MYOF: variants seen among roughly 807,000 people sequenced by gnomAD.
MYOF encodes the protein myoferlin.
Under a neutral mutation model 284.2 loss-of-function variants are expected in MYOF, and 244 were observed. That is an observed-to-expected ratio of 0.86 (90% confidence interval 0.77 to 0.95). The LOEUF is 0.95. Among genes scored for constraint, MYOF ranks in the 40% least tolerant of loss-of-function variants. The probability of loss-of-function intolerance (pLI) is 0.00; values close to 1 mark genes in which losing one functional copy is unlikely to be tolerated. For synonymous variants in MYOF, 904 were observed against 919.7 expected (o/e 0.98, Z 0.31); for missense variants, 2,496 against 2,560.6 (o/e 0.97, Z 0.54).
Position 93,351,844 on chromosome 10 carries a change from G to T in MYOF, c.3484C>A (p.Pro1162Thr). 6.3e-7 allele frequency: 1 copy of T among 1,580,932 alleles called. No homozygotes were observed. The highest frequency in any genetic ancestry group is 8.5e-7 in the Non-Finnish European group (1 of 1,172,432). Residue 1162 changes from proline to threonine, a missense_variant and splice_region_variant, in exon 33 of 54, where the codon CCA (proline) becomes ACA (threonine). Physicochemically the swap from Pro to Thr is conservative, Grantham distance 38 (BLOSUM62 -1). Around this residue, in one of 3 missense-constraint regions of MYOF, gnomAD observed 2,436 missense variants for 2,480.7 expected, o/e 0.98. Transcript: ENST00000359263. Reference sequence around the variant, plus strand: ...TGGAGGAAACAGATATGAGCATATGGATCTAAAACAGAAAAAGAGAATAAC... The same window carrying T: ...TGGAGGAAACAGATATGAGCATATGTATCTAAAACAGAAAAAGAGAATAAC... ...LALDKDSFSD[P>T]YAHICFLHRS...
intron 40 of MYOF, among the ~76,000 whole-genome samples, chr10:93,336,728 A>G (rs787690): frequency 0.3 from 45,827 of 151,800 alleles, 8,183 homozygotes; most frequent in Middle Eastern, 0.43. Flanking sequence ...ATATTTCTCA[A>G]TTTAAAAAGC....
chr10:93,343,604 G>A (rs1844033454), intron 38 of MYOF, among the ~76,000 whole-genome samples: 2 of 152,178 alleles, frequency 1.3e-5, no homozygotes, highest in Admixed American at 1.3e-4. Flanking sequence ...GTGGGGCCTG[G>A]GCATGGGTTT....
At chr10:93,386,483 T>G (rs79772225) in intron 19 of MYOF, among the ~76,000 whole-genome samples, 8,242 of 152,298 alleles carry the variant, frequency 0.054, 420 homozygotes, top group Admixed American at 0.16. Context: ...TTTCCCCATG[T>G]GAAGTTACAC....
chr10:93,458,208 T>A (rs1366058466), intron 1 of MYOF, among the ~76,000 whole-genome samples: 4 of 151,834 alleles, frequency 2.6e-5, no homozygotes, highest in African/African-American at 9.7e-5. Flanking sequence ...AACAATTAGC[T>A]CTGTGTGGTG....
chr10:93,362,690 T>C (rs1845133133), intron 27 of MYOF, among the ~76,000 whole-genome samples: 1 of 152,096 alleles, frequency 6.6e-6, no homozygotes, highest in African/African-American at 2.4e-5. Flanking sequence ...GTAAAGGAAA[T>C]AAAGGCGGCC....
chr10:93,466,323 T>A (rs1001048653), intron 1 of MYOF, among the ~76,000 whole-genome samples: 3 of 152,140 alleles, frequency 2.0e-5, no homozygotes, highest in Non-Finnish European at 4.4e-5. Context: ...GTTTGGGACA[T>A]TTCTGAAACA....
chr10:93,431,082 G>A (rs865897271), intron 4 of MYOF, among the ~76,000 whole-genome samples: 2 of 143,550 alleles, frequency 1.4e-5, no homozygotes, highest in Admixed American at 7.4e-5. Context: ...AGGCTGGAGT[G>A]CAATGGCATG....
chr10:93,415,261 G>T (rs990274633), intron 5 of MYOF, among the ~76,000 whole-genome samples: 9 of 152,072 alleles, frequency 5.9e-5, no homozygotes, highest in African/African-American at 2.2e-4. Context: ...TGCTTACCTG[G>T]TTTATTCAAC....
At chr10:93,393,769 T>C (rs868063758) in intron 16 of MYOF, among the ~76,000 whole-genome samples, 6 of 152,216 alleles carry the variant, frequency 3.9e-5, no homozygotes, top group Non-Finnish European at 8.8e-5. Flanking sequence ...TTAGCACCCC[T>C]GCCCTACCTC....
At position 93,311,455 on chromosome 10, in the gene MYOF, CA is replaced by C. The variant is rs11397640; in HGVS notation, c.5890-813del. Among the ~76,000 whole-genome samples the C allele has an allele frequency of 4.2e-3, 542 of 129,636 alleles. 3 individuals are homozygous for C. The highest frequency in any genetic ancestry group is 9.2e-3 in the African/African-American group (325 of 35,378). 85.0% of individuals were successfully genotyped at this position (129,636 alleles called of 152,430 possible). On this transcript the variant is annotated intron_variant, in intron 51 of 53. Coordinates refer to ENST00000359263, the MANE Select transcript of MYOF (RefSeq NM_013451.4). The stretch of plus-strand genomic sequence containing the variant: ...CGAAACCCCATCTCTACTAAAAATA[CA>C]AAAAAAAAAAAAAAAATTAGCCAGC...
At chr10:93,366,840 C>T (rs560968931) in intron 25 of MYOF, among the ~76,000 whole-genome samples, 50 of 152,276 alleles carry the variant, frequency 3.3e-4, no homozygotes, top group African/African-American at 1.1e-3. Context: ...TGATTGCGAA[C>T]GTGCTTTGTA....
In MYOF at chr10:93,372,972, T is replaced by G; in HGVS notation, c.2415A>C (p.Ala805=). ...QVLYSTSGEN[A]SGKYCGKTQT... is the part of the protein sequence containing the mutation. ...GGGTTTTCCCACAGTATTTTCCAGA[T>G]GCATTCTCACCACTGGTGGAGTACA... The change falls in exon 24 of 54, where the codon GCA becomes GCC. Residue 805 remains alanine, a synonymous_variant. Transcript: ENST00000359263. 1 of 1,614,212 alleles carries G rather than the reference T, an allele frequency of 6.2e-7. No individual in the cohort carries two copies. The highest frequency in any genetic ancestry group is 8.5e-7 in the Non-Finnish European group (1 of 1,180,028).
At position 93,392,915 on chromosome 10, in the gene MYOF, A is replaced by G. The variant is rs753916227; in HGVS notation, c.1456+2T>C. The G allele has an allele frequency of 1.9e-6, 3 of 1,610,874 alleles. No homozygotes were observed. The Admixed American group carries it at 5.0e-5, about 27-fold the overall frequency. ...CAGAGAGCAAAATTACGAAGCATAA[A>G]CCTGTATATGATGCAGCCCCAGTTC... is the stretch of plus-strand genomic sequence containing the variant. On this transcript the variant is annotated splice_donor_variant, in intron 17 of 53. Transcript: ENST00000359263. LOFTEE classifies it high-confidence loss of function.
Position 93,482,305 on chromosome 10 carries a change from T to A in MYOF, c.-111A>T. The stretch of plus-strand genomic sequence containing the variant: ...AAGTTCTCTCCCAGTGAAGGGAGGA[T>A]TTCTCCCAGGGCAAGGAAGGGGAAA... On this transcript the variant is annotated 5_prime_UTR_variant, in exon 1 of 54. Coordinates refer to ENST00000359263, the MANE Select transcript of MYOF (RefSeq NM_013451.4). 1.0e-6 allele frequency: 1 copy of A among 960,622 alleles called. No individual in the cohort carries two copies. The highest frequency in any genetic ancestry group is 1.6e-6 in the Non-Finnish European group (1 of 625,110). The allele number at this position is 960,622 out of a possible 1,614,324, so 59.5% of individuals were successfully genotyped here.
At chr10:93,379,777 T>C in intron 21 of MYOF, 86 bp downstream of exon 21, 5 of 1,538,994 alleles carry the variant, frequency 3.2e-6, no homozygotes, top group Non-Finnish European at 4.4e-6. Context: ...CTAAGCACTT[T>C]CTTGTGTTAT....
At chr10:93,382,388 G>T (rs1020271133) in intron 19 of MYOF, among the ~76,000 whole-genome samples, 1 of 151,986 alleles carries the variant, frequency 6.6e-6, no homozygotes, top group East Asian at 1.9e-4. Context: ...GCGTGCCACT[G>T]CACCCAGCTA....
At chr10:93,417,260 T>C (rs1394277436) in intron 5 of MYOF, among the ~76,000 whole-genome samples, 1 of 152,206 alleles carries the variant, frequency 6.6e-6, no homozygotes, top group African/African-American at 2.4e-5. Context: ...CTGCATGTGA[T>C]CCACTCTTCT....
intron 27 of MYOF, among the ~76,000 whole-genome samples, chr10:93,361,849 T>C (rs1379805679): frequency 1.3e-5 from 2 of 152,240 alleles, no homozygotes; most frequent in Admixed American, 1.3e-4. Flanking sequence ...CAATTTCTTA[T>C]GGTTCAACTT....
At chr10:93,321,856 T>G (rs531864339) in intron 48 of MYOF, among the ~76,000 whole-genome samples, 2 of 152,208 alleles carry the variant, frequency 1.3e-5, no homozygotes, top group Non-Finnish European at 2.9e-5. Context: ...GCACTAGGCA[T>G]GGTATTTATG....
Sources: allele counts gnomAD v4.1 joint callset (sites outside exome capture counted in the v4.1 genomes callset), GRCh38; gene constraint gnomAD v4.1.1; regional missense constraint gnomAD v4.1.1; transcripts MANE v1.5; gene names NCBI Gene and HGNC (gene_info 2026-07-23, HGNC 2026-07-21).